The following SLC17A1 variants were observed in gnomAD, a reference collection of about 807,000 sequenced individuals.
The protein encoded by SLC17A1 is sodium-dependent phosphate transport protein 1.
Under a neutral mutation model 53.5 loss-of-function variants are expected in SLC17A1, and 51 were observed. The observed-to-expected ratio is 0.95, with a 90% CI of 0.76 to 1.20. SLC17A1 has a LOEUF of 1.20. SLC17A1 is among the 50% of genes most tolerant of loss of function. The probability of loss-of-function intolerance (pLI) is 0.00; values close to 1 mark genes in which losing one functional copy is unlikely to be tolerated. For synonymous variants in SLC17A1, 179 were observed against 198.8 expected (o/e 0.90, Z 0.84); for missense variants, 538 against 568.2 (o/e 0.95, Z 0.54).
chr6:25,821,991 T>C (rs1362222120), intron 3 of SLC17A1, among the ~76,000 whole-genome samples: 1 of 152,132 alleles, frequency 6.6e-6, no homozygotes, highest in Non-Finnish European at 1.5e-5. Context: ...AATATACAAA[T>C]GTGTAATCCC....
chr6:25,769,758 G>T, the SLC17A1 span, among the ~76,000 whole-genome samples: 2 of 151,874 alleles, frequency 1.3e-5, no homozygotes, highest in East Asian at 3.9e-4. Context: ...TCACAGATTT[G>T]TCTGCTTTTT....
Position 25,826,489 on chromosome 6 carries a change from G to T in SLC17A1, c.179C>A (p.Ser60Tyr). The T allele has an allele frequency of 6.2e-7, 1 of 1,608,074 alleles. No homozygotes were observed. The highest frequency in any genetic ancestry group is 8.5e-7 in the Non-Finnish European group (1 of 1,177,356). The change falls in exon 3 of 13, where the codon TCC (serine) becomes TAC (tyrosine). Residue 60 changes from serine to tyrosine, a missense_variant. Ser to Tyr is a moderately radical substitution (Grantham distance 144). Coordinates refer to ENST00000244527, the MANE Select transcript of SLC17A1 (RefSeq NM_005074.5). The stretch of plus-strand genomic sequence containing the variant: ...TATATTATCCAGGAGCTTCTTTGTG[G>T]AGGTGTTGGGCAAACCATGTGGATC... ...STDPHGLPNT[S>Y]TKKLLDNIKN... is the part of the protein sequence containing the mutation.
chr6:25,727,397 G>C, the SLC17A1 span: 3 of 966,498 alleles, frequency 3.1e-6, no homozygotes, highest in African/African-American at 1.8e-5. Context: ...CTAACCGTAA[G>C]GGTTTTTTTT....
At chr6:25,750,815 A>T in the SLC17A1 span, among the ~76,000 whole-genome samples, 54 of 152,252 alleles carry the variant, frequency 3.5e-4, no homozygotes, top group Non-Finnish European at 6.2e-4. Flanking sequence ...ATTTTAAAAA[A>T]ATTTTTTTTG....
At chr6:25,759,470 T>C in the SLC17A1 span, among the ~76,000 whole-genome samples, 1 of 152,218 alleles carries the variant, frequency 6.6e-6, no homozygotes, top group African/African-American at 2.4e-5. Flanking sequence ...TTTTATAAAC[T>C]TAAGAGCTCC....
At chr6:25,742,126 A>C in the SLC17A1 span, among the ~76,000 whole-genome samples, 69 of 152,300 alleles carry the variant, frequency 4.5e-4, no homozygotes, top group Middle Eastern at 3.4e-3. Flanking sequence ...CTACAGCCAA[A>C]GCCTCTGGGC....
chr6:25,801,509 C>T (rs142397726), intron 10 of SLC17A1, among the ~76,000 whole-genome samples: 15 of 152,238 alleles, frequency 9.9e-5, no homozygotes, highest in African/African-American at 3.1e-4. Flanking sequence ...CTGCAGCGAA[C>T]GATAGATAAA....
the SLC17A1 span, among the ~76,000 whole-genome samples, chr6:25,741,179 A>G: frequency 6.6e-6 from 1 of 152,222 alleles, no homozygotes; most frequent in African/African-American, 2.4e-5. Flanking sequence ...TTCCCAACAC[A>G]AAGAAATGAT....
At chr6:25,776,623 T>C in the SLC17A1 span, 3 of 1,612,620 alleles carry the variant, frequency 1.9e-6, no homozygotes, top group South Asian at 1.1e-5. Context: ...TTGCCGTTTG[T>C]TGTTGGATGT....
chr6:25,813,878 C>T (rs555273371), intron 6 of SLC17A1, among the ~76,000 whole-genome samples: 15 of 152,260 alleles, frequency 9.9e-5, no homozygotes, highest in African/African-American at 3.6e-4. Flanking sequence ...GGAGAATGGC[C>T]CCCAGCTCCA....
chr6:25,817,730 C>T (rs1764407166), intron 6 of SLC17A1, among the ~76,000 whole-genome samples: 1 of 152,208 alleles, frequency 6.6e-6, no homozygotes, highest in Non-Finnish European at 1.5e-5. Flanking sequence ...CTCCCCTGCT[C>T]CGCCGTAATT....
chr6:25,774,230 G>A, the SLC17A1 span, among the ~76,000 whole-genome samples: 1 of 152,162 alleles, frequency 6.6e-6, no homozygotes, highest in Non-Finnish European at 1.5e-5. Context: ...GTGTATATGT[G>A]TACAGCTCTC....
At position 25,819,824 on chromosome 6, in the gene SLC17A1, T is replaced by C; in HGVS notation, c.299A>G (p.Tyr100Cys). The C allele has an allele frequency of 6.2e-7, 1 of 1,613,990 alleles. No homozygotes were observed. Among genetic ancestry groups the C allele is most frequent in the Non-Finnish European group, 8.5e-7 (1 of 1,179,856 alleles). The change falls in exon 4 of 13, where the codon TAC becomes TGC. Residue 100 changes from tyrosine to cysteine, a missense_variant. Physicochemically the swap from Tyr to Cys is radical, Grantham distance 194. Transcript: ENST00000244527. ...GVIIIQVPVG[Y>C]FSGIYSTKKM... The stretch of plus-strand genomic sequence containing the variant: ...CTTTGTAGAATATATTCCAGAGAAG[T>C]ATCCAACAGGAACTTGGATGATGAT...
intron 10 of SLC17A1, among the ~76,000 whole-genome samples, chr6:25,801,743 C>T (rs1324082): frequency 0.28 from 42,310 of 152,018 alleles, 6,390 homozygotes; most frequent in African/African-American, 0.4. Flanking sequence ...CTAGTCTTTC[C>T]CATTCCTACT....
chr6:25,792,145 T>C (rs1763514692), intron 12 of SLC17A1, among the ~76,000 whole-genome samples: 1 of 152,168 alleles, frequency 6.6e-6, no homozygotes, highest in Admixed American at 6.5e-5. Flanking sequence ...TGCATCCTTT[T>C]ATATTTGGGA....
the SLC17A1 span, among the ~76,000 whole-genome samples, chr6:25,730,796 G>A: frequency 6.6e-6 from 1 of 152,178 alleles, no homozygotes; most frequent in African/African-American, 2.4e-5. Context: ...TTTTTAGGGA[G>A]GCAAGATTAA....
chr6:25,821,478 G>A (rs1271247570), intron 3 of SLC17A1, among the ~76,000 whole-genome samples: 1 of 152,110 alleles, frequency 6.6e-6, no homozygotes, highest in African/African-American at 2.4e-5. Context: ...GCTCAGCCAG[G>A]TTTTGTTTTG....
chr6:25,803,785 C>T (rs151284366), intron 10 of SLC17A1, among the ~76,000 whole-genome samples: 1 of 152,008 alleles, frequency 6.6e-6, no homozygotes, highest in Admixed American at 6.6e-5. Flanking sequence ...GAGCAGCTAA[C>T]CCTTACACAG....
chr6:25,818,526 C>T lies in SLC17A1; in HGVS notation c.616+542G>A, dbSNP rs559310728. On this transcript the variant is annotated intron_variant, in intron 6 of 12. Transcript: ENST00000244527. ...ACCTAAGCCTTTTGAAGTTTCCTCA[C>T]GTATCAAATGGACATAATAGAACCT... is the stretch of plus-strand genomic sequence containing the variant. Among the ~76,000 whole-genome samples, 150 of 152,274 alleles carry T rather than the reference C, an allele frequency of 9.9e-4. 1 individual carries two copies. The highest frequency in any genetic ancestry group is 3.4e-3 in the African/African-American group (143 of 41,560).
Sources: gnomAD v4.1 joint callset for allele counts (sites outside exome capture counted in the v4.1 genomes callset) on GRCh38, gnomAD v4.1.1 for gene constraint, MANE v1.5 for transcripts, NCBI Gene and HGNC (gene_info 2026-07-23, HGNC 2026-07-21) for gene names.